The following GPR45 variants were observed in gnomAD, a reference collection of about 807,000 sequenced individuals.
GPR45 encodes the protein G protein-coupled receptor 45.
In GPR45, 7 loss-of-function variants were observed where a neutral mutation model predicts 5.9. The observed-to-expected ratio is 1.19, with a 90% confidence interval of 0.68 to 2.23. The LOEUF is 2.23. Among genes scored for constraint, GPR45 ranks in the 30% most tolerant of loss-of-function variants. The probability of loss-of-function intolerance (pLI) is 0.00; values close to 1 mark genes in which losing one functional copy is unlikely to be tolerated. For missense variants in GPR45, 440 were observed against 496.9 expected (o/e 0.89, Z 1.09); for synonymous variants, 220 against 226.3 (o/e 0.97, Z 0.25).
At position 105,241,945 on chromosome 2, in the gene GPR45, G is replaced by A. The variant is rs758531500; in HGVS notation, c.87G>A (p.Leu29=). Residue 29 remains leucine, a synonymous_variant, in exon 1 of 1, where the codon TTG becomes TTA. Coordinates refer to ENST00000258456, the MANE Select transcript of GPR45 (RefSeq NM_007227.3). The part of the protein sequence containing the change: ...SNASDSGSTQ[L]PAPLRISLAI... ...CCTCAGACTCGGGGTCCACCCAGTT[G>A]CCCGCACCCCTCAGGATCTCCTTGG... The A allele has an allele frequency of 5.6e-6, 9 of 1,612,766 alleles. No homozygotes were observed. In the Admixed American group the frequency reaches 1.5e-4, roughly 27 times the overall value.
In GPR45 at chr2:105,242,257, C is replaced by T; in HGVS notation, c.399C>T (p.Phe133=). The change falls in exon 1 of 1, where the codon TTC becomes TTT. Residue 133 remains phenylalanine, a synonymous_variant. Transcript: ENST00000258456. This position sits in a 1 kb window ranked among gnomAD's most constrained non-coding sequence, Gnocchi z 4.8. ...AILLIISVDR[F]LIIVQRQDKL... ...TGCTCATCATCAGCGTGGACCGCTT[C>T]CTCATCATCGTCCAGCGCCAGGACA... 6.2e-7 allele frequency: 1 copy of T among 1,614,194 alleles called. No homozygotes were observed. The highest frequency in any genetic ancestry group is 1.3e-5 in the African/African-American group (1 of 75,070).
At position 105,242,235 on chromosome 2, in the gene GPR45, T is replaced by A. The variant is rs1163283261; in HGVS notation, c.377T>A (p.Leu126His). The A allele has an allele frequency of 1.5e-5, 24 of 1,614,170 alleles. No individual in the cohort carries two copies. The highest frequency in any genetic ancestry group is 2.0e-5 in the Non-Finnish European group (24 of 1,180,042). ...GTCCTGGAGGGCGTGGCCATCCTGC[T>A]CATCATCAGCGTGGACCGCTTCCTC... is the stretch of plus-strand genomic sequence containing the variant. ...FFVLEGVAIL[L>H]IISVDRFLII... The change falls in exon 1 of 1, where the codon CTC (leucine) becomes CAC (histidine). Residue 126 changes from leucine to histidine, a missense_variant. By Grantham distance (99) the Leu-to-His change is moderately conservative. Coordinates refer to ENST00000258456, the MANE Select transcript of GPR45 (RefSeq NM_007227.3). The surrounding 1 kb of genome is among the most constrained non-coding windows in gnomAD (Gnocchi z 4.8).
chr2:105,242,451 C>A lies in GPR45; in HGVS notation c.593C>A (p.Thr198Asn). Residue 198 changes from threonine to asparagine, a missense_variant, in exon 1 of 1, where the codon ACC (threonine) becomes AAC (asparagine). Physicochemically the swap from Thr to Asn is moderately conservative, Grantham distance 65 (BLOSUM62 0). Transcript: ENST00000258456. The surrounding 1 kb of genome is among the most constrained non-coding windows in gnomAD (Gnocchi z 4.8). ...ELPADRAYVV[T>N]LVVAVFFAPF... Reference sequence around the variant, plus strand: ...CCCGCTGACCGCGCCTACGTGGTCACCTTGGTGGTGGCCGTGTTCTTCGCG... The same window carrying A: ...CCCGCTGACCGCGCCTACGTGGTCAACTTGGTGGTGGCCGTGTTCTTCGCG... 6.2e-7 allele frequency: 1 copy of A among 1,608,200 alleles called. No homozygotes were observed. The highest frequency in any genetic ancestry group is 8.5e-7 in the Non-Finnish European group (1 of 1,179,824).
In GPR45 at chr2:105,243,195, G is replaced by GCTGATGGGAACTGCAACGT. The variant is rs141448338; in HGVS notation, c.*220_*238dup. 2.0e-3 allele frequency: 1,206 copies of GCTGATGGGAACTGCAACGT among 617,622 alleles called. 7 individuals carry two copies. In the African/African-American group the frequency reaches 0.021, roughly 11 times the overall value. 38.3% of individuals were successfully genotyped at this position (617,622 alleles called of 1,614,324 possible). A position where few individuals can be genotyped will look rare whatever the true frequency, so the allele number is the denominator to read the frequency against. ...CTCTTTGCAGAGAGCCAAATATGGG[G>GCTGATGGGAACTGCAACGT]CTGATGGGAACTGCAACGTCATTAA... On this transcript the variant is annotated 3_prime_UTR_variant, in exon 1 of 1. Transcript: ENST00000258456.
chr2:105,242,019 T>C lies in GPR45; in HGVS notation c.161T>C (p.Val54Ala). ...GTGGTGGGGTTCCTGGGCAACACTG[T>C]GGTCTGCATCATCGTGTACCAGAGG... Reference protein sequence around the residue: ...MTVVGFLGNTVVCIIVYQRPA... With the variant: ...MTVVGFLGNTAVCIIVYQRPA... The change falls in exon 1 of 1, where the codon GTG becomes GCG. Residue 54 changes from valine to alanine, a missense_variant. Val to Ala is a moderately conservative substitution (Grantham distance 64). Transcript: ENST00000258456. This position sits in a 1 kb window ranked among gnomAD's most constrained non-coding sequence, Gnocchi z 4.8. 1 of 1,613,990 alleles carries C rather than the reference T, an allele frequency of 6.2e-7. No homozygotes were observed. The highest frequency in any genetic ancestry group is 1.1e-5 in the South Asian group (1 of 91,084).
In GPR45 at chr2:105,241,979, ATGC is replaced by A; in HGVS notation, c.127_129del (p.Leu43del). ...CCTCAGGATCTCCTTGGCCATAGTG[ATGC>A]TGCTGATGACCGTGGTGGGGTTCCT... On this transcript the variant is annotated inframe_deletion, in exon 1 of 1. Coordinates refer to ENST00000258456, the MANE Select transcript of GPR45 (RefSeq NM_007227.3). 1 of 1,613,800 alleles carries A rather than the reference ATGC, an allele frequency of 6.2e-7. No homozygotes were observed. The highest frequency in any genetic ancestry group is 8.5e-7 in the Non-Finnish European group (1 of 1,179,758).
At position 105,243,011 on chromosome 2, in the gene GPR45, G is replaced by A; in HGVS notation, c.*34G>A. On this transcript the variant is annotated 3_prime_UTR_variant, in exon 1 of 1. Coordinates refer to ENST00000258456, the MANE Select transcript of GPR45 (RefSeq NM_007227.3). ...GGGGCCACAGAGAAGGGGCAGCTGA[G>A]CCCCAGTCCCAGGGTGGATCTGTCC... is the stretch of plus-strand genomic sequence containing the variant. 1 of 1,597,968 alleles carries A rather than the reference G, an allele frequency of 6.3e-7. No individual in the cohort carries two copies. Among genetic ancestry groups the A allele is most frequent in the Non-Finnish European group, 8.5e-7 (1 of 1,170,618 alleles).
rs376637446 is a variant in GPR45, at chr2:105,242,476, G to A, written c.618G>A (p.Ala206=). ...CCTTGGTGGTGGCCGTGTTCTTCGC[G>A]CCCTTTGGCGTCATGCTGTGCGCCT... ...VVTLVVAVFF[A]PFGVMLCAYM... is the part of the protein sequence containing the mutation. Residue 206 remains alanine, a synonymous_variant, in exon 1 of 1, where the codon GCG becomes GCA. Coordinates refer to ENST00000258456, the MANE Select transcript of GPR45 (RefSeq NM_007227.3). The surrounding 1 kb of genome is among the most constrained non-coding windows in gnomAD (Gnocchi z 4.8). 2 of 1,605,830 alleles carry A rather than the reference G, an allele frequency of 1.2e-6. No individual in the cohort carries two copies.
In GPR45 at chr2:105,241,891, C is replaced by T. The variant is rs1676358686; in HGVS notation, c.33C>T (p.Tyr11=). The change falls in exon 1 of 1, where the codon TAC becomes TAT. Residue 11 remains tyrosine, a synonymous_variant. Coordinates refer to ENST00000258456, the MANE Select transcript of GPR45 (RefSeq NM_007227.3). The part of the protein sequence containing the change: MACNSTSLEA[Y]TYLLLNTSNA... ...GCAACAGCACGTCCCTTGAGGCTTACACATACCTGCTGCTGAACACCAGCA... is the reference window on the plus strand; with the variant it reads ...GCAACAGCACGTCCCTTGAGGCTTATACATACCTGCTGCTGAACACCAGCA... 1 of 1,588,768 alleles carries T rather than the reference C, an allele frequency of 6.3e-7. No individual in the cohort carries two copies. Among genetic ancestry groups the T allele is most frequent in the Non-Finnish European group, 8.6e-7 (1 of 1,165,532 alleles).
Position 105,242,773 on chromosome 2 carries a change from C to A in GPR45, c.915C>A (p.Thr305=), listed in dbSNP as rs1373046775. 6.2e-7 allele frequency: 1 copy of A among 1,614,118 alleles called. No homozygotes were observed. The highest frequency in any genetic ancestry group is 8.5e-7 in the Non-Finnish European group (1 of 1,180,050). ...ACTGCGGTTCCTCCTTCTACGCCAC[C>A]AGCACCTGCGTCCTGTGGCTCAGTT... ...RFYCGSSFYA[T]STCVLWLSYL... The change falls in exon 1 of 1, where the codon ACC becomes ACA. Residue 305 remains threonine (T), a synonymous_variant. Transcript: ENST00000258456. This position sits in a 1 kb window ranked among gnomAD's most constrained non-coding sequence, Gnocchi z 4.8.
Position 105,243,198 on chromosome 2 carries a change from G to A in GPR45, c.*221G>A. 1.7e-6 allele frequency: 1 copy of A among 604,986 alleles called. No individual in the cohort carries two copies. The allele number at this position is 604,986 out of a possible 1,614,324, so 37.5% of individuals were successfully genotyped here. A position where few individuals can be genotyped will look rare whatever the true frequency, so the allele number is the denominator to read the frequency against. On this transcript the variant is annotated 3_prime_UTR_variant, in exon 1 of 1. Coordinates refer to ENST00000258456, the MANE Select transcript of GPR45 (RefSeq NM_007227.3). The stretch of plus-strand genomic sequence containing the variant: ...TTTGCAGAGAGCCAAATATGGGGCT[G>A]ATGGGAACTGCAACGTCATTAAGTC...
rs1423927079 is a variant in GPR45 at position 105,241,760 on chromosome 2, C to G, written c.-99C>G. 1 of 1,355,848 alleles carries G rather than the reference C, an allele frequency of 7.4e-7. No homozygotes were observed. The highest frequency in any genetic ancestry group is 1.0e-6 in the Non-Finnish European group (1 of 997,676). 84.0% of individuals were successfully genotyped at this position (1,355,848 alleles called of 1,614,324 possible). A position where few individuals can be genotyped will look rare whatever the true frequency, so the allele number is the denominator to read the frequency against. Reference sequence around the variant, plus strand: ...CAGTGCCCCAGAGGTCCACAGACATCCAGGAAGATGCAGCCAGCAGACAAA... The same window carrying G: ...CAGTGCCCCAGAGGTCCACAGACATGCAGGAAGATGCAGCCAGCAGACAAA... On this transcript the variant is annotated 5_prime_UTR_variant, in exon 1 of 1. The change creates a new upstream start codon in the 5' untranslated region. Transcript: ENST00000258456.
Position 105,242,332 on chromosome 2 carries a change from G to A in GPR45, c.474G>A (p.Leu158=). The change falls in exon 1 of 1, where the codon CTG becomes CTA. Residue 158 remains leucine, a synonymous_variant. Transcript: ENST00000258456. The surrounding 1 kb of genome is among the most constrained non-coding windows in gnomAD (Gnocchi z 4.8). ...TGATCATCGCGGTCTCCTGGGTGCT[G>A]TCCTTCTGCATCGCGGGGCCCTCGC... The part of the protein sequence containing the change: ...AKVIIAVSWV[L]SFCIAGPSLT... 1 of 1,613,854 alleles carries A rather than the reference G, an allele frequency of 6.2e-7. No individual in the cohort carries two copies. The highest frequency in any genetic ancestry group is 8.5e-7 in the Non-Finnish European group (1 of 1,180,000).
rs751905324 is a variant in GPR45 at position 105,242,919 on chromosome 2, G to A, written c.1061G>A (p.Arg354Gln). The change falls in exon 1 of 1, where the codon CGA (arginine) becomes CAA (glutamine). Residue 354 changes from arginine to glutamine, a missense_variant. Physicochemically the swap from Arg to Gln is conservative, Grantham distance 43 (BLOSUM62 1). Transcript: ENST00000258456. The surrounding 1 kb of genome is among the most constrained non-coding windows in gnomAD (Gnocchi z 4.8). ...CTCCCCAAAGTGCCTGAGCGGATCCGAAGGAGAATCCAGCCAAGCACAGTC... is the reference window on the plus strand; with the variant it reads ...CTCCCCAAAGTGCCTGAGCGGATCCAAAGGAGAATCCAGCCAAGCACAGTC... The part of the protein sequence containing the change: ...QILPKVPERI[R>Q]RRIQPSTVYV... 7 of 1,614,060 alleles carry A rather than the reference G, an allele frequency of 4.3e-6. No individual in the cohort carries two copies. Among genetic ancestry groups the A allele is most frequent in the African/African-American group, 1.3e-5 (1 of 74,928 alleles).
At position 105,242,361 on chromosome 2, in the gene GPR45, CG is replaced by C. The variant is rs1326838481; in HGVS notation, c.506del (p.Gly169AlafsTer91). The C allele has an allele frequency of 2.5e-6, 4 of 1,613,120 alleles. No homozygotes were observed. The highest frequency in any genetic ancestry group is 3.4e-6 in the Non-Finnish European group (4 of 1,179,814). Reference sequence around the variant, plus strand: ...TTCTGCATCGCGGGGCCCTCGCTCACGGGCTGGACGCTGGTGGAGGTGCCGG... The same window carrying C: ...TTCTGCATCGCGGGGCCCTCGCTCACGGCTGGACGCTGGTGGAGGTGCCGG... ...LSFCIAGPSL[T>X]GWTLVEVPAR... On this transcript the variant is annotated frameshift_variant, in exon 1 of 1. Coordinates refer to ENST00000258456, the MANE Select transcript of GPR45 (RefSeq NM_007227.3). LOFTEE classifies it low-confidence loss of function (END_TRUNC). The surrounding 1 kb of genome is among the most constrained non-coding windows in gnomAD (Gnocchi z 4.8).
At position 105,242,219 on chromosome 2, in the gene GPR45, G is replaced by A; in HGVS notation, c.361G>A (p.Gly121Ser). ...ATLYWFFVLE[G>S]VAILLIISVD... ...GCTCTACTGGTTTTTTGTCCTGGAG[G>A]GCGTGGCCATCCTGCTCATCATCAG... is the stretch of plus-strand genomic sequence containing the variant. The change falls in exon 1 of 1, where the codon GGC (glycine) becomes AGC (serine). Residue 121 changes from glycine (G) to serine (S), a missense_variant. By Grantham distance (56) the Gly-to-Ser change is moderately conservative. Transcript: ENST00000258456. The surrounding 1 kb of genome is among the most constrained non-coding windows in gnomAD (Gnocchi z 4.8). The A allele has an allele frequency of 2.5e-6, 4 of 1,614,102 alleles. No individual in the cohort carries two copies. Among genetic ancestry groups the A allele is most frequent in the Non-Finnish European group, 3.4e-6 (4 of 1,180,036 alleles).
Position 105,242,172 on chromosome 2 carries a change from A to T in GPR45, c.314A>T (p.His105Leu). ...LITVRWHFGD[H>L]FCRLSATLYW... ...ACCGTGCGCTGGCACTTTGGGGACC[A>T]CTTCTGCCGCCTCTCAGCCACGCTC... The change falls in exon 1 of 1, where the codon CAC becomes CTC. Residue 105 changes from histidine to leucine, a missense_variant. By Grantham distance (99) the His-to-Leu change is moderately conservative. Transcript: ENST00000258456. This position sits in a 1 kb window ranked among gnomAD's most constrained non-coding sequence, Gnocchi z 4.8. 2.5e-6 allele frequency: 4 copies of T among 1,614,068 alleles called. No individual in the cohort carries two copies. The highest frequency in any genetic ancestry group is 3.4e-6 in the Non-Finnish European group (4 of 1,180,014).
chr2:105,242,003 T>A lies in GPR45; in HGVS notation c.145T>A (p.Phe49Ile), dbSNP rs773914555. Reference sequence around the variant, plus strand: ...GATGCTGCTGATGACCGTGGTGGGGTTCCTGGGCAACACTGTGGTCTGCAT... The same window carrying A: ...GATGCTGCTGATGACCGTGGTGGGGATCCTGGGCAACACTGTGGTCTGCAT... Reference protein sequence around the residue: ...IVMLLMTVVGFLGNTVVCIIV... With the variant: ...IVMLLMTVVGILGNTVVCIIV... The change falls in exon 1 of 1, where the codon TTC (phenylalanine) becomes ATC (isoleucine). Residue 49 changes from phenylalanine (F) to isoleucine (I), a missense_variant. By Grantham distance (21) the Phe-to-Ile change is conservative. Transcript: ENST00000258456. The surrounding 1 kb of genome is among the most constrained non-coding windows in gnomAD (Gnocchi z 4.8). 5 of 1,613,352 alleles carry A rather than the reference T, an allele frequency of 3.1e-6. No homozygotes were observed. Among genetic ancestry groups the A allele is most frequent in the African/African-American group, 1.3e-5 (1 of 74,846 alleles).
rs370186894 is a variant in GPR45, at chr2:105,242,809, C to A, written c.951C>A (p.Ser317=). The change falls in exon 1 of 1, where the codon TCC becomes TCA. Residue 317 remains serine (S), a synonymous_variant. Coordinates refer to ENST00000258456, the MANE Select transcript of GPR45 (RefSeq NM_007227.3). This position sits in a 1 kb window ranked among gnomAD's most constrained non-coding sequence, Gnocchi z 4.8. ...TCVLWLSYLK[S]VFNPIVYCWR... is the part of the protein sequence containing the mutation. Reference sequence around the variant, plus strand: ...TCCTGTGGCTCAGTTACCTCAAGTCCGTCTTCAACCCCATCGTCTACTGCT... The same window carrying A: ...TCCTGTGGCTCAGTTACCTCAAGTCAGTCTTCAACCCCATCGTCTACTGCT... The A allele has an allele frequency of 1.1e-5, 18 of 1,614,236 alleles. No individual in the cohort carries two copies. Among genetic ancestry groups the A allele is most frequent in the Non-Finnish European group, 1.5e-5 (18 of 1,180,046 alleles).
Sources: gnomAD v4.1 joint callset for allele counts on GRCh38, gnomAD v4.1.1 for gene constraint, Gnocchi (gnomAD v3.1) non-coding constraint, MANE v1.5 for transcripts, NCBI Gene and HGNC (gene_info 2026-07-23, HGNC 2026-07-21) for gene names.